Variants in VTCN1 observed in about 807,000 individuals in gnomAD.
VTCN1 encodes V-set domain-containing T-cell activation inhibitor 1.
VTCN1 carries 26 observed loss-of-function variants against 26.5 expected under a neutral mutation model. That is an observed-to-expected ratio of 0.98 (90% confidence interval 0.72 to 1.36). The LOEUF (loss-of-function observed/expected upper bound fraction) is 1.36, where lower values mean the gene tolerates loss of function less well. Ranked by LOEUF, VTCN1 falls within the 40% of genes most tolerant of loss-of-function variation. The probability of loss-of-function intolerance (pLI) is 0.00; values close to 1 mark genes in which losing one functional copy is unlikely to be tolerated. For synonymous variants in VTCN1, 116 were observed against 130.7 expected (o/e 0.89, Z 0.77); for missense variants, 298 against 337.7 (o/e 0.88, Z 0.92).
chr1:117,150,389 T>C (rs1651725140), intron 4 of VTCN1, among the ~76,000 whole-genome samples: 1 of 152,236 alleles, frequency 6.6e-6, no homozygotes, highest in East Asian at 1.9e-4. Flanking sequence ...CTCAATGGGA[T>C]TTAAGTTCCT....
At chr1:117,148,929 A>G (rs1203203198) in intron 4 of VTCN1, among the ~76,000 whole-genome samples, 2 of 152,224 alleles carry the variant, frequency 1.3e-5, no homozygotes, top group African/African-American at 4.8e-5. Flanking sequence ...GCAGGAGCAC[A>G]GCAGAATGTA....
At chr1:117,197,313 C>T (rs374086126) in intron 1 of VTCN1, among the ~76,000 whole-genome samples, 1 of 152,034 alleles carries the variant, frequency 6.6e-6, no homozygotes, top group Non-Finnish European at 1.5e-5. Flanking sequence ...TGTTCACACC[C>T]CTCCCCCTTC....
chr1:117,191,638 C>T (rs146262882), intron 1 of VTCN1, among the ~76,000 whole-genome samples: 9 of 152,078 alleles, frequency 5.9e-5, no homozygotes, highest in African/African-American at 9.7e-5. Context: ...CAAAATTAGC[C>T]GGGCATGGTG....
At chr1:117,194,899 G>T (rs1284026082) in intron 1 of VTCN1, among the ~76,000 whole-genome samples, 1 of 152,204 alleles carries the variant, frequency 6.6e-6, no homozygotes, top group East Asian at 1.9e-4. Flanking sequence ...TTAGTCAAAG[G>T]GTACAAATTT....
Position 117,161,890 on chromosome 1 carries a change from G to GA in VTCN1, c.98-4970dup, listed in dbSNP as rs1652385407. Among the ~76,000 whole-genome samples the GA allele has an allele frequency of 6.6e-6, 1 of 152,130 alleles. No individual in the cohort carries two copies. Reference sequence around the variant, plus strand: ...AGTTGAATTGAAAGATTACTTCTCAGAAAAAATACATGATTAGCACAGTTT... The same window carrying GA: ...AGTTGAATTGAAAGATTACTTCTCAGAAAAAAATACATGATTAGCACAGTTT... On this transcript the variant is annotated intron_variant, in intron 2 of 5. Coordinates refer to ENST00000369458, the MANE Select transcript of VTCN1 (RefSeq NM_024626.4). The surrounding 1 kb of genome is among the most constrained non-coding windows in gnomAD (Gnocchi z 4.3).
rs958981957 is a variant in VTCN1, at chr1:117,147,503, G to A, written c.*45+110C>T. The A allele has an allele frequency of 3.4e-6, 3 of 880,188 alleles. No homozygotes were observed. The highest frequency in any genetic ancestry group is 1.9e-5 in the South Asian group (1 of 53,212). 54.5% of individuals were successfully genotyped at this position (880,188 alleles called of 1,614,324 possible). A position where few individuals can be genotyped will look rare whatever the true frequency, so the allele number is the denominator to read the frequency against. On this transcript the variant is annotated intron_variant, in intron 5 of 5. Transcript: ENST00000369458. This position sits in a 1 kb window ranked among gnomAD's most constrained non-coding sequence, Gnocchi z 4.6. The stretch of plus-strand genomic sequence containing the variant: ...TAGTGGAAATAATGTCACAGCCCTG[G>A]TGTCATTAAATGTTTCTTTCTGTGG...
rs1651880847 is a variant in VTCN1 at position 117,153,144 on chromosome 1, G to T, written c.671C>A (p.Ser224Tyr). Residue 224 changes from serine to tyrosine, a missense_variant, in exon 4 of 6, where the codon TCC becomes TAC. Transcript: ENST00000369458. ...GGCAATGTCATTTTCAATCATACAG[G>T]AGTATGTGTTGTTGATCGTAACATT... The part of the protein sequence containing the change: ...LYNVTINNTY[S>Y]CMIENDIAKA... The T allele has an allele frequency of 6.2e-7, 1 of 1,613,762 alleles. No homozygotes were observed. The highest frequency in any genetic ancestry group is 8.5e-7 in the Non-Finnish European group (1 of 1,180,002).
intron 1 of VTCN1, among the ~76,000 whole-genome samples, chr1:117,182,718 A>G (rs781366808): frequency 6.6e-6 from 1 of 152,174 alleles, no homozygotes; most frequent in African/African-American, 2.4e-5. Flanking sequence ...GCTGCCTTCA[A>G]CACAGGGCCT....
intron 1 of VTCN1, 51 bp from the exon 2 acceptor site, chr1:117,170,222 G>A: frequency 1.9e-6 from 3 of 1,545,936 alleles, no homozygotes. Context: ...TCCTCTTGAT[G>A]TGCTGCTTTG....
At chr1:117,195,242 G>A (rs1387829285) in intron 1 of VTCN1, among the ~76,000 whole-genome samples, 2 of 147,250 alleles carry the variant, frequency 1.4e-5, no homozygotes, top group African/African-American at 5.0e-5. Context: ...AGCCTGGAGA[G>A]AGAGCAAGAC....
chr1:117,147,927 C>T lies in VTCN1; in HGVS notation c.725-145G>A, dbSNP rs185724460. On this transcript the variant is annotated intron_variant, in intron 4 of 5. Transcript: ENST00000369458. This position sits in a 1 kb window ranked among gnomAD's most constrained non-coding sequence, Gnocchi z 4.6. ...TTTTTTACCCCTTTGCCCACCTCTC[C>T]GTAACTGGCTTAAAAGTAGAGCTTT... The T allele has an allele frequency of 7.1e-4, 731 of 1,034,304 alleles. 6 individuals carry two copies. The African/African-American group carries it at 0.011, about 15-fold the overall frequency. 64.1% of individuals were successfully genotyped at this position (1,034,304 alleles called of 1,614,324 possible). A position where few individuals can be genotyped will look rare whatever the true frequency, so the allele number is the denominator to read the frequency against.
rs543042695 is a variant in VTCN1 at position 117,193,556 on chromosome 1, G to A, written c.32+17268C>T. On this transcript the variant is annotated intron_variant, in intron 1 of 5. Transcript: ENST00000369458. ...AATTCATCAAAAGGGTATAACAATTGTAAATATATCTATGCATCCAACTTG... is the reference window on the plus strand; with the variant it reads ...AATTCATCAAAAGGGTATAACAATTATAAATATATCTATGCATCCAACTTG... 2.8e-4 allele frequency among the ~76,000 whole-genome samples: 36 copies of A among 127,016 alleles called. 1 individual carries two copies. The South Asian group carries it at 9.7e-3, about 34-fold the overall frequency. The allele number at this position is 127,016 out of a possible 152,430, so 83.3% of individuals were successfully genotyped here.
At position 117,175,765 on chromosome 1, in the gene VTCN1, C is replaced by A. The variant is rs760932138; in HGVS notation, c.33-5594G>T. 0.067 allele frequency among the ~76,000 whole-genome samples: 5,620 copies of A among 84,222 alleles called. 144 individuals are homozygous for A. The highest frequency in any genetic ancestry group is 0.16 in the South Asian group (379 of 2,416). The allele number at this position is 84,222 out of a possible 152,430, so 55.3% of individuals were successfully genotyped here. ...AGAAGAGAGATACCTATCTCTCTCTCTCTCTCTCTTTTTTTTTTTTTTTGA... is the reference window on the plus strand; with the variant it reads ...AGAAGAGAGATACCTATCTCTCTCTATCTCTCTCTTTTTTTTTTTTTTTGA... On this transcript the variant is annotated intron_variant, in intron 1 of 5. Coordinates refer to ENST00000369458, the MANE Select transcript of VTCN1 (RefSeq NM_024626.4). The surrounding 1 kb of genome is among the most constrained non-coding windows in gnomAD (Gnocchi z 4.2).
chr1:117,176,851 C>A (rs1213835207), intron 1 of VTCN1, among the ~76,000 whole-genome samples: 1 of 151,984 alleles, frequency 6.6e-6, no homozygotes, highest in Admixed American at 6.5e-5. Context: ...GTAATCCCAG[C>A]ACTTTGGGAG....
rs1649320026 is a variant in VTCN1, at chr1:117,210,912, T to C, written c.-57A>G. On this transcript the variant is annotated 5_prime_UTR_variant, in exon 1 of 6. Transcript: ENST00000369458. ...CTGGCTGAGTGGAGCTGCCGCTGCCTTCCTTGGTGACTCACAACCAGCTCC... is the reference window on the plus strand; with the variant it reads ...CTGGCTGAGTGGAGCTGCCGCTGCCCTCCTTGGTGACTCACAACCAGCTCC... The C allele has an allele frequency of 6.3e-7, 1 of 1,593,552 alleles. No homozygotes were observed. The highest frequency in any genetic ancestry group is 1.7e-5 in the Admixed American group (1 of 59,976).
intron 1 of VTCN1, among the ~76,000 whole-genome samples, chr1:117,182,875 T>C (rs546869681): frequency 6.6e-6 from 1 of 152,276 alleles, no homozygotes; most frequent in African/African-American, 2.4e-5. Flanking sequence ...GTCCTGTACC[T>C]ACCCCACCTT....
At chr1:117,148,159 T>C (rs1651612435) in intron 4 of VTCN1, among the ~76,000 whole-genome samples, 1 of 152,224 alleles carries the variant, frequency 6.6e-6, no homozygotes, top group South Asian at 2.1e-4. Context: ...GCTTTCATCA[T>C]ACCACTATAA....
chr1:117,154,783 C>CAAAAAAAAAAAAAAAA (rs916361996), intron 3 of VTCN1, among the ~76,000 whole-genome samples: 1 of 39,894 alleles, frequency 2.5e-5, no homozygotes, highest in Non-Finnish European at 5.5e-5. Context: ...AACTCCATCT[C>CAAAAAAAAAAAAAAAA]AAAAAAAAAA....
At chr1:117,206,165 A>G (rs1416262119) in intron 1 of VTCN1, among the ~76,000 whole-genome samples, 1 of 150,320 alleles carries the variant, frequency 6.7e-6, no homozygotes, top group Non-Finnish European at 1.5e-5. Flanking sequence ...TTTTTTTTGT[A>G]GAATAAGAAT....
Sources: allele counts gnomAD v4.1 joint callset (sites outside exome capture counted in the v4.1 genomes callset), GRCh38; gene constraint gnomAD v4.1.1; non-coding constraint Gnocchi (gnomAD v3.1); transcripts MANE v1.5; gene names NCBI Gene and HGNC (gene_info 2026-07-23, HGNC 2026-07-21).